Variants in LBH observed in about 807,000 individuals in gnomAD.
LBH encodes LBH regulator of Wnt signaling pathway, also known as protein LBH.
In LBH, 7 loss-of-function variants were observed where a neutral mutation model predicts 12.5. The observed-to-expected ratio is 0.56, with a 90% confidence interval of 0.32 to 1.05. The LOEUF is 1.05. Among genes scored for constraint, LBH ranks in the 50% least tolerant of loss-of-function variants. LBH has a pLI of 0.04. For synonymous variants in LBH, 51 were observed against 50.1 expected (o/e 1.02, Z -0.08); for missense variants, 119 against 138.9 (o/e 0.86, Z 0.72).
At chr2:30,248,004 C>G (rs1677905701) in intron 2 of LBH, among the ~76,000 whole-genome samples, 1 of 152,212 alleles carries the variant, frequency 6.6e-6, no homozygotes, top group South Asian at 2.1e-4. Flanking sequence ...TGGAGGCTCC[C>G]TCACTGAAAG....
At chr2:30,247,412 C>G (rs922712805) in intron 2 of LBH, among the ~76,000 whole-genome samples, 3 of 152,192 alleles carry the variant, frequency 2.0e-5, no homozygotes, top group Admixed American at 6.5e-5. Context: ...ACAACTTTTT[C>G]AAAATTCTAA....
intron 2 of LBH, among the ~76,000 whole-genome samples, chr2:30,241,913 T>C (rs1051366595): frequency 2.6e-5 from 4 of 152,218 alleles, no homozygotes; most frequent in Non-Finnish European, 5.9e-5. Context: ...TTTGCTGCTT[T>C]CCTTAACAGC....
chr2:30,234,240 A>G (rs1322561479), intron 1 of LBH, 165 bp from the exon 2 acceptor site: 2 of 604,570 alleles, frequency 3.3e-6, no homozygotes, highest in Non-Finnish European at 5.9e-6. Context: ...GTGGGCTTGC[A>G]AGGCGCTTCC....
At chr2:30,249,739 T>C (rs1365899007) in intron 2 of LBH, among the ~76,000 whole-genome samples, 4 of 152,216 alleles carry the variant, frequency 2.6e-5, no homozygotes, top group African/African-American at 9.7e-5. Flanking sequence ...GACCCCTTGG[T>C]TCCTCACTCT....
intron 2 of LBH, among the ~76,000 whole-genome samples, chr2:30,248,646 G>A (rs982354048): frequency 2.6e-5 from 4 of 152,170 alleles, no homozygotes; most frequent in African/African-American, 7.2e-5. Flanking sequence ...AGGTAATGAT[G>A]ATACAGTCAA....
At chr2:30,236,215 T>G (rs1401373636) in intron 2 of LBH, among the ~76,000 whole-genome samples, 1 of 152,248 alleles carries the variant, frequency 6.6e-6, no homozygotes, top group East Asian at 1.9e-4. Context: ...GGCCAGGCCC[T>G]ATAGGGCCGT....
intron 1 of LBH, among the ~76,000 whole-genome samples, chr2:30,233,543 G>C (rs958970478): frequency 3.3e-5 from 5 of 152,248 alleles, no homozygotes; most frequent in Non-Finnish European, 5.9e-5. Context: ...TGTGTAGCAG[G>C]TACCTGTATT....
rs551781625 is a variant in LBH at position 30,239,360 on chromosome 2, G to A, written c.129+4853G>A. Among the ~76,000 whole-genome samples the A allele has an allele frequency of 2.6e-5, 4 of 152,238 alleles. No individual in the cohort carries two copies. In the East Asian group the frequency reaches 7.7e-4, roughly 29 times the overall value. On this transcript the variant is annotated intron_variant, in intron 2 of 2. Transcript: ENST00000395323. ...CCTCTGTCCCCCACCAGCTCACGAG[G>A]CCATTCTGGGCATAACGCATCCACT...
At chr2:30,254,921 G>C (rs1010024527) in intron 2 of LBH, among the ~76,000 whole-genome samples, 3 of 152,266 alleles carry the variant, frequency 2.0e-5, no homozygotes, top group Admixed American at 2.0e-4. Flanking sequence ...CAGCTGCCTG[G>C]GCAGTGAAGG....
intron 2 of LBH, among the ~76,000 whole-genome samples, chr2:30,244,601 C>T (rs934945348): frequency 1.3e-5 from 2 of 152,094 alleles, no homozygotes; most frequent in African/African-American, 4.8e-5. Context: ...CTCACTATTG[C>T]AGTAAGAAAC....
At chr2:30,254,560 G>A (rs1040211231) in intron 2 of LBH, among the ~76,000 whole-genome samples, 1 of 151,814 alleles carries the variant, frequency 6.6e-6, no homozygotes, top group Non-Finnish European at 1.5e-5. Context: ...GAAATCCAAT[G>A]CTTCCCACCC....
At chr2:30,249,780 A>G (rs1677946528) in intron 2 of LBH, among the ~76,000 whole-genome samples, 1 of 152,174 alleles carries the variant, frequency 6.6e-6, no homozygotes, top group African/African-American at 2.4e-5. Context: ...AGCTTTACCT[A>G]GTAAGAACCA....
At chr2:30,256,124 C>T (rs183122739) in intron 2 of LBH, among the ~76,000 whole-genome samples, 1 of 152,284 alleles carries the variant, frequency 6.6e-6, no homozygotes, top group Admixed American at 6.5e-5. Context: ...GGATTAAGTA[C>T]TTAAACTGCT....
At chr2:30,254,990 C>A (rs895300740) in intron 2 of LBH, among the ~76,000 whole-genome samples, 1 of 152,224 alleles carries the variant, frequency 6.6e-6, no homozygotes, top group Non-Finnish European at 1.5e-5. Flanking sequence ...GGGTGGAGAC[C>A]CAGCAGCAGC....
chr2:30,245,283 G>T (rs1677852381), intron 2 of LBH, among the ~76,000 whole-genome samples: 1 of 152,102 alleles, frequency 6.6e-6, no homozygotes, highest in Non-Finnish European at 1.5e-5. Flanking sequence ...AATTCTTATG[G>T]TATTTGTAAT....
intron 2 of LBH, 68 bp downstream of exon 2, chr2:30,234,575 C>G (rs1159640406): frequency 2.5e-6 from 3 of 1,186,814 alleles, no homozygotes; most frequent in Non-Finnish European, 3.7e-6. Context: ...TGAGGACAGA[C>G]TTGGTTTTGC....
chr2:30,254,246 T>C (rs1452896987), intron 2 of LBH, among the ~76,000 whole-genome samples: 1 of 152,184 alleles, frequency 6.6e-6, no homozygotes, highest in African/African-American at 2.4e-5. Flanking sequence ...AGATTAACAA[T>C]GATAGCTAAC....
intron 1 of LBH, among the ~76,000 whole-genome samples, chr2:30,233,511 G>A (rs543811794): frequency 3.7e-4 from 57 of 152,386 alleles, no homozygotes; most frequent in Non-Finnish European, 6.0e-4. Flanking sequence ...GCACAGGCAC[G>A]ATGGTGGAAA....
chr2:30,232,249 G>GTTTCCC, intron 1 of LBH: 3 of 506,794 alleles, frequency 5.9e-6, no homozygotes, highest in Non-Finnish European at 1.1e-5. Context: ...GGTGGGGGGC[G>GTTTCCC]GGAAACGCTC....
Sources: gnomAD v4.1 joint callset for allele counts (sites outside exome capture counted in the v4.1 genomes callset) on GRCh38, gnomAD v4.1.1 for gene constraint, MANE v1.5 for transcripts, NCBI Gene and HGNC (gene_info 2026-07-23, HGNC 2026-07-21) for gene names.